SPAG16: variants seen among roughly 807,000 people sequenced by gnomAD.
The protein encoded by SPAG16 is sperm associated antigen 16.
A neutral mutation model predicts 80.4 loss-of-function variants in SPAG16; 86 were observed. The ratio of observed to expected loss-of-function variants is 1.07; its 90% CI spans 0.90 to 1.28. SPAG16 has a LOEUF of 1.28. Among genes scored for constraint, SPAG16 ranks in the 50% most tolerant of loss-of-function variants. The probability of loss-of-function intolerance (pLI) is 0.00; values close to 1 mark genes in which losing one functional copy is unlikely to be tolerated. For missense variants in SPAG16, 870 were observed against 765.3 expected, an observed-to-expected ratio of 1.14 and a Z score of -1.61; for synonymous variants, 294 against 265.9, an observed-to-expected ratio of 1.11 and a Z score of -1.03.
At chr2:213,612,246 T>G (rs2061461854) in intron 10 of SPAG16, among the ~76,000 whole-genome samples, 1 of 152,232 alleles carries the variant, frequency 6.6e-6, no homozygotes, top group South Asian at 2.1e-4. Context: ...GTAGTAAAAC[T>G]AACAGGTGTT....
At chr2:213,350,377 G>T in intron 6 of SPAG16, 151 bp from the exon 7 acceptor site, 1 of 455,326 alleles carries the variant, frequency 2.2e-6, no homozygotes, top group Non-Finnish European at 3.9e-6. Flanking sequence ...TGCTTTTTGT[G>T]CTTCTTGGCT....
At chr2:213,481,316 G>T (rs1481870019) in intron 9 of SPAG16, among the ~76,000 whole-genome samples, 1 of 152,170 alleles carries the variant, frequency 6.6e-6, no homozygotes, top group Non-Finnish European at 1.5e-5. Context: ...AAAGTAAACT[G>T]CTAGTAGAGA....
chr2:213,559,796 A>G (rs1212111995), intron 10 of SPAG16, among the ~76,000 whole-genome samples: 1 of 152,122 alleles, frequency 6.6e-6, no homozygotes, highest in African/African-American at 2.4e-5. Flanking sequence ...ATTATTTCAT[A>G]GAACAAAAAT....
intron 9 of SPAG16, among the ~76,000 whole-genome samples, chr2:213,461,033 G>A (rs750856923): frequency 1.3e-5 from 2 of 152,038 alleles, no homozygotes; most frequent in Non-Finnish European, 2.9e-5. Context: ...TCTGTTCCAC[G>A]AATGAAACAT....
chr2:213,345,034 C>T (rs2124998989), intron 6 of SPAG16, among the ~76,000 whole-genome samples: 1 of 150,306 alleles, frequency 6.7e-6, no homozygotes, highest in Non-Finnish European at 1.5e-5. Context: ...ACATCCTCTC[C>T]AGCACCTGTT....
intron 10 of SPAG16, among the ~76,000 whole-genome samples, chr2:213,692,682 TG>T (rs924979661): frequency 1.3e-5 from 2 of 151,500 alleles, no homozygotes; most frequent in African/African-American, 4.8e-5. Flanking sequence ...TGGTGGCGGG[TG>T]CCTGTAGTCC....
chr2:213,994,376 A>G (rs2046419229), intron 12 of SPAG16, among the ~76,000 whole-genome samples: 1 of 152,222 alleles, frequency 6.6e-6, no homozygotes, highest in South Asian at 2.1e-4. Context: ...GAGGCCATTG[A>G]ATAAATAAAG....
At chr2:213,705,493 A>G (rs1347556701) in intron 10 of SPAG16, among the ~76,000 whole-genome samples, 2 of 152,078 alleles carry the variant, frequency 1.3e-5, no homozygotes, top group African/African-American at 4.8e-5. Context: ...GGAGGTAGAA[A>G]GGGTGGGGGA....
intron 15 of SPAG16, among the ~76,000 whole-genome samples, chr2:214,220,357 A>G (rs952032955): frequency 6.6e-6 from 1 of 152,276 alleles, no homozygotes; most frequent in South Asian, 2.1e-4. Context: ...CTGGATAGAT[A>G]TAGTTTCAGA....
intron 14 of SPAG16, among the ~76,000 whole-genome samples, chr2:214,122,453 G>A (rs994036334): frequency 6.6e-6 from 1 of 151,700 alleles, no homozygotes; most frequent in East Asian, 1.9e-4. Context: ...AACTGCAATT[G>A]CCTACCTAAA....
At chr2:213,758,213 T>C (rs187758111) in intron 10 of SPAG16, 60 of 153,180 alleles carry the variant, frequency 3.9e-4, no homozygotes, top group African/African-American at 1.4e-3. Flanking sequence ...TATGACAATA[T>C]AAAAAGCAAA....
intron 15 of SPAG16, among the ~76,000 whole-genome samples, chr2:214,173,022 G>A (rs1425934234): frequency 1.1e-4 from 16 of 150,794 alleles, no homozygotes; most frequent in East Asian, 5.9e-4. Flanking sequence ...AGTAGGTTGC[G>A]AAAATTTTCT....
At chr2:214,068,992 T>C (rs1024209838) in intron 13 of SPAG16, among the ~76,000 whole-genome samples, 2 of 152,134 alleles carry the variant, frequency 1.3e-5, no homozygotes, top group Non-Finnish European at 2.9e-5. Context: ...GACATGCCAC[T>C]TAGGACAAAA....
chr2:213,912,021 C>A (rs1045314343), intron 11 of SPAG16, among the ~76,000 whole-genome samples: 1 of 151,968 alleles, frequency 6.6e-6, no homozygotes, highest in East Asian at 1.9e-4. Flanking sequence ...ACTACAAAAT[C>A]CTGCAAACTC....
chr2:213,623,705 G>A (rs143350095), intron 10 of SPAG16, among the ~76,000 whole-genome samples: 2 of 152,184 alleles, frequency 1.3e-5, no homozygotes, highest in South Asian at 2.1e-4. Flanking sequence ...TTAAAAAGCT[G>A]TAGTAATACA....
At chr2:213,289,598 T>C (rs1276098804) in intron 1 of SPAG16, among the ~76,000 whole-genome samples, 1 of 152,234 alleles carries the variant, frequency 6.6e-6, no homozygotes, top group Non-Finnish European at 1.5e-5. Flanking sequence ...AGTTAACTTA[T>C]TTAAACTGGC....
At chr2:214,394,810 T>TCCG (rs1701271377) in intron 15 of SPAG16, among the ~76,000 whole-genome samples, 1 of 152,168 alleles carries the variant, frequency 6.6e-6, no homozygotes. Flanking sequence ...ATCATGATAC[T>TCCG]ATGGTATCGC....
At chr2:213,649,693 G>A (rs570484357) in intron 10 of SPAG16, among the ~76,000 whole-genome samples, 1 of 152,160 alleles carries the variant, frequency 6.6e-6, no homozygotes, top group Non-Finnish European at 1.5e-5. Context: ...TCCTACCTCA[G>A]CCTCCTGAGT....
chr2:213,566,405 T>C (rs945742780), intron 10 of SPAG16, among the ~76,000 whole-genome samples: 6 of 152,210 alleles, frequency 3.9e-5, no homozygotes, highest in Admixed American at 3.9e-4. Context: ...AGGGTCAATT[T>C]GTTTCTCTCA....
Sources: allele counts gnomAD v4.1 joint callset (sites outside exome capture counted in the v4.1 genomes callset), GRCh38; gene constraint gnomAD v4.1.1; transcripts MANE v1.5; gene names NCBI Gene and HGNC (gene_info 2026-07-23, HGNC 2026-07-21).